Variants in CNOT6L observed in about 807,000 individuals in gnomAD.
CNOT6L encodes CCR4-NOT transcription complex subunit 6 like.
A neutral mutation model predicts 64.0 loss-of-function variants in CNOT6L; 7 were observed. The ratio of observed to expected loss-of-function variants is 0.11; its 90% CI spans 0.06 to 0.21. The LOEUF is 0.21. Ranked by LOEUF, CNOT6L falls within the 10% of genes least tolerant of loss-of-function variation. The pLI, the probability that CNOT6L is intolerant of heterozygous loss-of-function variation, is 1.00. For synonymous variants in CNOT6L, 193 were observed against 243.4 expected (o/e 0.79, Z 1.93); for missense variants, 245 against 669.0 (o/e 0.37, Z 6.99).
intron 4 of CNOT6L, among the ~76,000 whole-genome samples, chr4:77,762,704 G>C (rs1726379412): frequency 6.6e-6 from 1 of 152,100 alleles, no homozygotes; most frequent in African/African-American, 2.4e-5. Context: ...AACACATTAT[G>C]CTAAACCAAA....
chr4:77,756,359 T>A (rs922154878), intron 5 of CNOT6L, among the ~76,000 whole-genome samples: 1 of 152,220 alleles, frequency 6.6e-6, no homozygotes, highest in Non-Finnish European at 1.5e-5. Context: ...TAAATAAATC[T>A]GGTGTTCTTA....
intron 11 of CNOT6L, among the ~76,000 whole-genome samples, chr4:77,722,640 A>C (rs760778745): frequency 1.1e-4 from 16 of 152,046 alleles, no homozygotes; most frequent in Non-Finnish European, 1.8e-4. Flanking sequence ...AAAGTTAAAC[A>C]CTCCAGGAAG....
At position 77,728,412 on chromosome 4, in the gene CNOT6L, A is replaced by C. The variant is rs1722109195; in HGVS notation, c.1252+442T>G. On this transcript the variant is annotated intron_variant, in intron 10 of 11. Transcript: ENST00000504123. ...TCAATGGGCAGCCTAGCAGGAGATGAAAGGACAGAAGCAGAGTGAGGTAAG... is the reference window on the plus strand; with the variant it reads ...TCAATGGGCAGCCTAGCAGGAGATGCAAGGACAGAAGCAGAGTGAGGTAAG... Among the ~76,000 whole-genome samples, 4 of 152,308 alleles carry C rather than the reference A, an allele frequency of 2.6e-5. No homozygotes were observed. In the South Asian group the frequency reaches 8.3e-4, roughly 32 times the overall value.
chr4:77,758,053 T>C (rs1234869264), intron 4 of CNOT6L, among the ~76,000 whole-genome samples: 4 of 152,154 alleles, frequency 2.6e-5, no homozygotes, highest in Non-Finnish European at 5.9e-5. Context: ...CAGAATACCT[T>C]GAACTCTTCT....
intron 6 of CNOT6L, among the ~76,000 whole-genome samples, chr4:77,747,229 C>A (rs761937815): frequency 4.6e-5 from 7 of 152,138 alleles, no homozygotes; most frequent in Non-Finnish European, 4.4e-5. Context: ...ATGGCAAAAT[C>A]TTGGCTCACT....
chr4:77,731,157 TA>T lies in CNOT6L; in HGVS notation c.1024+229del, dbSNP rs1294888377. Among the ~76,000 whole-genome samples, 10 of 152,228 alleles carry T rather than the reference TA, an allele frequency of 6.6e-5. No individual in the cohort carries two copies. In the Middle Eastern group the frequency reaches 0.01, roughly 155 times the overall value. ...ATTAATGGCATATTAAAAAAGACTTTACATAGATTATCTGGTAAGTAAAAAA... is the reference window on the plus strand; with the variant it reads ...ATTAATGGCATATTAAAAAAGACTTTCATAGATTATCTGGTAAGTAAAAAA... On this transcript the variant is annotated intron_variant, in intron 9 of 11. Coordinates refer to ENST00000504123, the MANE Select transcript of CNOT6L (RefSeq NM_144571.3).
chr4:77,733,614 A>G (rs775225693), intron 8 of CNOT6L, among the ~76,000 whole-genome samples: 4 of 152,144 alleles, frequency 2.6e-5, no homozygotes, highest in African/African-American at 9.6e-5. Flanking sequence ...GTTAATTATA[A>G]TATTTTTATA....
chr4:77,771,181 C>T (rs1727510520), intron 4 of CNOT6L, among the ~76,000 whole-genome samples: 1 of 152,050 alleles, frequency 6.6e-6, no homozygotes, highest in East Asian at 1.9e-4. Flanking sequence ...ATTAGCCGGA[C>T]GTGGTGGTGC....
At chr4:77,725,257 T>C (rs771856520) in intron 11 of CNOT6L, among the ~76,000 whole-genome samples, 2 of 152,282 alleles carry the variant, frequency 1.3e-5, no homozygotes, top group African/African-American at 2.4e-5. Flanking sequence ...CACACAAAAA[T>C]AGAAAAAGGT....
chr4:77,770,369 C>T (rs545716779), intron 4 of CNOT6L, among the ~76,000 whole-genome samples: 1 of 152,156 alleles, frequency 6.6e-6, no homozygotes, highest in Non-Finnish European at 1.5e-5. Flanking sequence ...CATAAAGTAC[C>T]ATAATATGGC....
intron 4 of CNOT6L, among the ~76,000 whole-genome samples, chr4:77,768,284 G>T (rs1309371250): frequency 6.6e-6 from 1 of 151,788 alleles, no homozygotes; most frequent in Non-Finnish European, 1.5e-5. Flanking sequence ...GGCCAGCATG[G>T]TGAAACCCCG....
rs1294591704 is a variant in CNOT6L, at chr4:77,717,114, T to C, written c.*3317A>G. 2 of 152,546 alleles carry C rather than the reference T, an allele frequency of 1.3e-5. No homozygotes were observed. Among genetic ancestry groups the C allele is most frequent in the African/African-American group, 4.8e-5 (2 of 41,438 alleles). 9.4% of individuals were successfully genotyped at this position (152,546 alleles called of 1,614,324 possible). A position where few individuals can be genotyped will look rare whatever the true frequency, so the allele number is the denominator to read the frequency against. On this transcript the variant is annotated 3_prime_UTR_variant, in exon 12 of 12. Transcript: ENST00000504123. ...TAAAAAGTTGCCTATAGAATGGTGCTGGGATTCTGTTCTCTGCTTGCTTTT... is the reference window on the plus strand; with the variant it reads ...TAAAAAGTTGCCTATAGAATGGTGCCGGGATTCTGTTCTCTGCTTGCTTTT...
chr4:77,776,525 T>C, intron 1 of CNOT6L, 133 bp from the exon 2 acceptor site: 1 of 633,026 alleles, frequency 1.6e-6, no homozygotes, highest in South Asian at 2.4e-5. Flanking sequence ...AAATTCTCAC[T>C]TGCAGAAAAA....
chr4:77,768,464 A>AAAATAAAT lies in CNOT6L; in HGVS notation c.400+4609_400+4616dup, dbSNP rs1193339622. On this transcript the variant is annotated intron_variant, in intron 4 of 11. Coordinates refer to ENST00000504123, the MANE Select transcript of CNOT6L (RefSeq NM_144571.3). ...TGGGTAACAGAGTGAGACTCTGTCT[A>AAAATAAAT]AAATAAATAAATATATATATATATA... Among the ~76,000 whole-genome samples the AAAATAAAT allele has an allele frequency of 1.7e-3, 33 of 19,308 alleles. No homozygotes were observed. The East Asian group carries it at 0.056, about 33-fold the overall frequency. The allele number at this position is 19,308 out of a possible 152,430, so 12.7% of individuals were successfully genotyped here. A position where few individuals can be genotyped will look rare whatever the true frequency, so the allele number is the denominator to read the frequency against.
Position 77,783,169 on chromosome 4 carries a change from A to C in CNOT6L, c.6-6777T>G, listed in dbSNP as rs921351420. Among the ~76,000 whole-genome samples the C allele has an allele frequency of 2.6e-5, 4 of 151,312 alleles. No individual in the cohort carries two copies. In the South Asian group the frequency reaches 6.2e-4, roughly 24 times the overall value. The stretch of plus-strand genomic sequence containing the variant: ...ACCACTCAAAAAAAAAAAAAAAAAA[A>C]ACACATGTTTTATAATGGCAAAGTC... On this transcript the variant is annotated intron_variant, in intron 1 of 11. Transcript: ENST00000504123.
intron 6 of CNOT6L, among the ~76,000 whole-genome samples, chr4:77,746,571 T>C (rs1298863433): frequency 6.6e-6 from 1 of 152,228 alleles, no homozygotes; most frequent in Non-Finnish European, 1.5e-5. Context: ...CAGATTACTT[T>C]GAGAATTCAG....
intron 1 of CNOT6L, among the ~76,000 whole-genome samples, chr4:77,789,638 C>T (rs899542121): frequency 6.7e-6 from 1 of 150,192 alleles, no homozygotes; most frequent in African/African-American, 2.5e-5. Context: ...CCAGCCTGGG[C>T]GACAGAGGGA....
At chr4:77,761,610 TG>T (rs891226332) in intron 4 of CNOT6L, among the ~76,000 whole-genome samples, 24 of 152,246 alleles carry the variant, frequency 1.6e-4, no homozygotes, top group African/African-American at 5.5e-4. Flanking sequence ...TCAGCAAATG[TG>T]GGGAAGAAGG....
intron 8 of CNOT6L, among the ~76,000 whole-genome samples, chr4:77,741,835 C>G (rs1723627411): frequency 6.6e-6 from 1 of 152,064 alleles, no homozygotes; most frequent in African/African-American, 2.4e-5. Context: ...GTATCACTTT[C>G]TTTTTTTACA....
Sources: allele counts gnomAD v4.1 joint callset (sites outside exome capture counted in the v4.1 genomes callset), GRCh38; gene constraint gnomAD v4.1.1; transcripts MANE v1.5; gene names NCBI Gene and HGNC (gene_info 2026-07-23, HGNC 2026-07-21).